GRM3: variants seen among roughly 807,000 people sequenced by gnomAD.
GRM3 encodes metabotropic glutamate receptor 3.
In GRM3, 26 loss-of-function variants were observed where a neutral mutation model predicts 70.5. The ratio of observed to expected loss-of-function variants is 0.37; its 90% confidence interval spans 0.27 to 0.51. GRM3 has a LOEUF of 0.51. Among genes scored for constraint, GRM3 ranks in the 20% least tolerant of loss-of-function variants. GRM3 has a pLI of 0.93. For synonymous variants in GRM3, 443 were observed against 434.9 expected, an observed-to-expected ratio of 1.02 and a Z score of -0.23; for missense variants, 859 against 1,123.8, an observed-to-expected ratio of 0.76 and a Z score of 3.37.
At chr7:86,800,920 A>G (rs571385762) in intron 3 of GRM3, among the ~76,000 whole-genome samples, 25 of 152,332 alleles carry the variant, frequency 1.6e-4, no homozygotes, top group African/African-American at 6.0e-4. Context: ...CCAGCAGCAC[A>G]TCAAAAAGCT....
intron 1 of GRM3, among the ~76,000 whole-genome samples, chr7:86,690,871 G>A (rs889886437): frequency 1.3e-5 from 2 of 152,132 alleles, no homozygotes; most frequent in African/African-American, 4.8e-5. Context: ...AAGACATCAT[G>A]TATAAAGAGC....
chr7:86,694,527 AAG>A (rs199759478), intron 1 of GRM3, among the ~76,000 whole-genome samples: 31,486 of 119,474 alleles, frequency 0.26, 4,835 homozygotes, highest in East Asian at 0.57. Context: ...AAAAAAAAAA[AAG>A]AAAAGAAAGA....
At chr7:86,695,764 G>A (rs1794801050) in intron 1 of GRM3, among the ~76,000 whole-genome samples, 3 of 152,182 alleles carry the variant, frequency 2.0e-5, no homozygotes, top group Admixed American at 2.0e-4. Context: ...CACTTACTAG[G>A]AGTTTTTAAA....
At chr7:86,857,333 G>A (rs901350962) in intron 5 of GRM3, among the ~76,000 whole-genome samples, 20 of 152,140 alleles carry the variant, frequency 1.3e-4, no homozygotes, top group Non-Finnish European at 2.4e-4. Context: ...AATAAGAGGC[G>A]AGGAGAACAG....
At chr7:86,816,697 A>G (rs1474213274) in intron 3 of GRM3, among the ~76,000 whole-genome samples, 2 of 151,806 alleles carry the variant, frequency 1.3e-5, no homozygotes, top group East Asian at 3.9e-4. Context: ...TCTACTGTTG[A>G]TGGGCATTTT....
intron 1 of GRM3, among the ~76,000 whole-genome samples, chr7:86,708,420 A>AT (rs1490298561): frequency 2.0e-5 from 3 of 152,182 alleles, no homozygotes; most frequent in Non-Finnish European, 4.4e-5. Flanking sequence ...GCAGCAGGGA[A>AT]TTTTATCCAT....
chr7:86,822,497 G>A (rs1206002828), intron 3 of GRM3, among the ~76,000 whole-genome samples: 1 of 151,976 alleles, frequency 6.6e-6, no homozygotes, highest in Non-Finnish European at 1.5e-5. Context: ...GAGAAGAAAG[G>A]GCATATAAAG....
At chr7:86,725,376 G>A (rs1355093201) in intron 1 of GRM3, among the ~76,000 whole-genome samples, 1 of 152,094 alleles carries the variant, frequency 6.6e-6, no homozygotes, top group East Asian at 1.9e-4. Flanking sequence ...CCAGGAATTT[G>A]GAAAGGGCAT....
At chr7:86,832,316 T>TGCC (rs1798369549) in intron 3 of GRM3, among the ~76,000 whole-genome samples, 1 of 147,536 alleles carries the variant, frequency 6.8e-6, no homozygotes, top group Non-Finnish European at 1.5e-5. Flanking sequence ...AATGGCGCGA[T>TGCC]CTCAGCTCAC....
chr7:86,846,870 T>A (rs775874326), intron 4 of GRM3, among the ~76,000 whole-genome samples: 2 of 152,216 alleles, frequency 1.3e-5, no homozygotes, highest in Non-Finnish European at 1.5e-5. Context: ...TTGTCAAAAC[T>A]GTCAAAGACT....
At chr7:86,702,503 C>T (rs1794966476) in intron 1 of GRM3, among the ~76,000 whole-genome samples, 1 of 151,946 alleles carries the variant, frequency 6.6e-6, no homozygotes, top group African/African-American at 2.4e-5. Flanking sequence ...AGTAGTGCTT[C>T]AAAGAGTATA....
Position 86,644,325 on chromosome 7 carries a change from G to A in GRM3, c.-688G>A, listed in dbSNP as rs1793399186. The stretch of plus-strand genomic sequence containing the variant: ...GGGAGGGTGGGGGAGGGAAAAGAAC[G>A]AGAGAGGGAGGAAAGAATGAAAAGG... On this transcript the variant is annotated 5_prime_UTR_variant, in exon 1 of 6. Coordinates refer to ENST00000361669, the MANE Select transcript of GRM3 (RefSeq NM_000840.3). 7.4e-6 allele frequency: 2 copies of A among 270,264 alleles called. No homozygotes were observed. The highest frequency in any genetic ancestry group is 1.2e-4 in the East Asian group (1 of 8,384). The allele number at this position is 270,264 out of a possible 1,614,324, so 16.7% of individuals were successfully genotyped here. A position where few individuals can be genotyped will look rare whatever the true frequency, so the allele number is the denominator to read the frequency against.
chr7:86,772,802 A>T (rs1458917073), intron 2 of GRM3, among the ~76,000 whole-genome samples: 1 of 152,102 alleles, frequency 6.6e-6, no homozygotes, highest in Non-Finnish European at 1.5e-5. Context: ...AATAGTAAAA[A>T]TGATAGTTGC....
chr7:86,853,769 A>G (rs1798797066), intron 5 of GRM3, among the ~76,000 whole-genome samples: 1 of 152,186 alleles, frequency 6.6e-6, no homozygotes, highest in Admixed American at 6.6e-5. Flanking sequence ...AAAGGCTTAA[A>G]ACAATACCTC....
chr7:86,655,801 A>C (rs536309820), intron 1 of GRM3, among the ~76,000 whole-genome samples: 1 of 149,414 alleles, frequency 6.7e-6, no homozygotes, highest in East Asian at 2.0e-4. Context: ...ACTAGACCCC[A>C]AGATTTTTAA....
intron 1 of GRM3, among the ~76,000 whole-genome samples, chr7:86,724,543 A>T (rs1795548003): frequency 6.6e-6 from 1 of 152,172 alleles, no homozygotes; most frequent in Admixed American, 6.6e-5. Context: ...CAAGTAGACC[A>T]ACTGTCCCAT....
intron 1 of GRM3, among the ~76,000 whole-genome samples, chr7:86,663,613 CTTT>C (rs942169849): frequency 6.6e-6 from 1 of 151,846 alleles, no homozygotes; most frequent in Non-Finnish European, 1.5e-5. Context: ...TGAATTATGT[CTTT>C]TTTTTGTTGT....
intron 1 of GRM3, among the ~76,000 whole-genome samples, chr7:86,744,555 A>G (rs1796060463): frequency 1.3e-5 from 2 of 151,654 alleles, no homozygotes; most frequent in African/African-American, 2.4e-5. Context: ...GCCACATGTC[A>G]TGGGTCGCCC....
chr7:86,859,848 A>AG (rs1478441180), intron 5 of GRM3, among the ~76,000 whole-genome samples: 1 of 152,190 alleles, frequency 6.6e-6, no homozygotes, highest in East Asian at 1.9e-4. Flanking sequence ...TACTGGTGGA[A>AG]GAGAAGTGGA....
Sources: gnomAD v4.1 joint callset for allele counts (sites outside exome capture counted in the v4.1 genomes callset) on GRCh38, gnomAD v4.1.1 for gene constraint, MANE v1.5 for transcripts, NCBI Gene and HGNC (gene_info 2026-07-23, HGNC 2026-07-21) for gene names.